LRRC3B: variants seen among roughly 807,000 people sequenced by gnomAD.
LRRC3B encodes the protein leucine-rich repeat-containing protein 3B.
LRRC3B carries 2 observed loss-of-function variants against 12.8 expected under a neutral mutation model. That is an observed-to-expected ratio of 0.16 (90% confidence interval 0.06 to 0.49). The LOEUF is 0.49. Ranked by LOEUF, LRRC3B falls within the 20% of genes least tolerant of loss-of-function variation. The pLI, the probability that LRRC3B is intolerant of heterozygous loss-of-function variation, is 0.96. For synonymous variants in LRRC3B, 132 were observed against 122.0 expected, an observed-to-expected ratio of 1.08 and a Z score of -0.54; for missense variants, 189 against 319.4, an observed-to-expected ratio of 0.59 and a Z score of 3.11.
chr3:26,691,651 A>G (rs1231879501), intron 1 of LRRC3B, among the ~76,000 whole-genome samples: 1 of 152,212 alleles, frequency 6.6e-6, no homozygotes, highest in Admixed American at 6.5e-5. Context: ...GAGAATTTGC[A>G]TGATGCCTCA....
intron 1 of LRRC3B, among the ~76,000 whole-genome samples, chr3:26,629,253 TTTCTTCCTTTCTTCCC>T (rs1157167650): frequency 7.0e-6 from 1 of 142,336 alleles, no homozygotes; most frequent in Non-Finnish European, 1.5e-5. Context: ...CCTTCCTTCC[TTTCTTCCTTTCTTCCC>T]TTCTTCCTTC....
chr3:26,702,668 G>A (rs569728832), intron 1 of LRRC3B, among the ~76,000 whole-genome samples: 72 of 152,232 alleles, frequency 4.7e-4, no homozygotes, highest in African/African-American at 1.6e-3. Flanking sequence ...GCAGGATGAT[G>A]TGGTTAAGAG....
intron 1 of LRRC3B, among the ~76,000 whole-genome samples, chr3:26,644,183 C>T (rs971434684): frequency 6.6e-6 from 1 of 152,178 alleles, no homozygotes; most frequent in South Asian, 2.1e-4. Context: ...TAAGTATGAA[C>T]ACAGGTAGAG....
chr3:26,671,373 T>TATATATATATAG (rs1261897533), intron 1 of LRRC3B, among the ~76,000 whole-genome samples: 3 of 28,248 alleles, frequency 1.1e-4, no homozygotes, highest in African/African-American at 4.4e-4. Context: ...TATATATATA[T>TATATATATATAG]AGAGAGAGAG....
intron 1 of LRRC3B, among the ~76,000 whole-genome samples, chr3:26,644,876 A>G (rs1699109133): frequency 6.6e-6 from 1 of 152,200 alleles, no homozygotes; most frequent in Non-Finnish European, 1.5e-5. Flanking sequence ...CAAAATACAC[A>G]TACATAAACA....
intron 1 of LRRC3B, among the ~76,000 whole-genome samples, chr3:26,708,302 A>G (rs946323986): frequency 6.6e-6 from 1 of 152,234 alleles, no homozygotes; most frequent in Non-Finnish European, 1.5e-5. Context: ...GGGGTCCTCA[A>G]CTTGGAACAG....
intron 1 of LRRC3B, among the ~76,000 whole-genome samples, chr3:26,680,249 C>T (rs1285799507): frequency 6.6e-6 from 1 of 152,156 alleles, no homozygotes; most frequent in Admixed American, 6.5e-5. Flanking sequence ...ACCCCCACTT[C>T]CCAGTAAAAA....
intron 1 of LRRC3B, among the ~76,000 whole-genome samples, chr3:26,677,769 A>AT (rs1010429074): frequency 1.2e-4 from 18 of 148,886 alleles, no homozygotes; most frequent in South Asian, 2.2e-4. Flanking sequence ...ATAAATAGCC[A>AT]TTTTTTTTCT....
At chr3:26,669,354 A>T (rs1699672998) in intron 1 of LRRC3B, among the ~76,000 whole-genome samples, 1 of 152,156 alleles carries the variant, frequency 6.6e-6, no homozygotes, top group Admixed American at 6.5e-5. Flanking sequence ...TTTCATTACG[A>T]TGGAGTGAAC....
chr3:26,671,206 G>A (rs202123247), intron 1 of LRRC3B, among the ~76,000 whole-genome samples: 3,306 of 143,528 alleles, frequency 0.023, 118 homozygotes, highest in East Asian at 0.14. Flanking sequence ...TAGTAGAGAC[G>A]GGGTTTCACC....
intron 1 of LRRC3B, among the ~76,000 whole-genome samples, chr3:26,695,980 T>C (rs1017413315): frequency 1.3e-5 from 2 of 152,244 alleles, no homozygotes; most frequent in Non-Finnish European, 2.9e-5. Flanking sequence ...TTTCTCATTT[T>C]AAAGGTATTC....
chr3:26,656,893 T>C (rs1479878130), intron 1 of LRRC3B, among the ~76,000 whole-genome samples: 1 of 152,194 alleles, frequency 6.6e-6, no homozygotes. Context: ...CATGGGACAA[T>C]AGACAAAGAC....
intron 1 of LRRC3B, among the ~76,000 whole-genome samples, chr3:26,685,543 A>C (rs1314375543): frequency 1.3e-3 from 183 of 136,228 alleles, no homozygotes; most frequent in South Asian, 7.9e-3. Flanking sequence ...ATATATATAT[A>C]TATATATATA....
chr3:26,675,825 A>T (rs1231439836), intron 1 of LRRC3B, among the ~76,000 whole-genome samples: 1 of 152,168 alleles, frequency 6.6e-6, no homozygotes, highest in African/African-American at 2.4e-5. Flanking sequence ...ACTAGCCCTT[A>T]TTCTAGAATG....
At chr3:26,642,607 C>T (rs547393551) in intron 1 of LRRC3B, among the ~76,000 whole-genome samples, 2 of 152,092 alleles carry the variant, frequency 1.3e-5, no homozygotes, top group East Asian at 1.9e-4. Context: ...TCAGCCACCC[C>T]GACCCCACAC....
chr3:26,652,556 G>A (rs1035999736), intron 1 of LRRC3B, among the ~76,000 whole-genome samples: 4 of 152,178 alleles, frequency 2.6e-5, no homozygotes, highest in Non-Finnish European at 5.9e-5. Flanking sequence ...AAAATGTGTA[G>A]GAATCCTTTA....
intron 1 of LRRC3B, among the ~76,000 whole-genome samples, chr3:26,704,166 T>C (rs982451709): frequency 6.6e-6 from 1 of 151,140 alleles, no homozygotes; most frequent in African/African-American, 2.4e-5. Flanking sequence ...TATTTGCATA[T>C]TTATCTTCTT....
intron 1 of LRRC3B, among the ~76,000 whole-genome samples, chr3:26,671,067 G>GT: frequency 7.6e-6 from 1 of 132,334 alleles, no homozygotes; most frequent in African/African-American, 2.9e-5. Flanking sequence ...CCAGGCTGGA[G>GT]TGCAGTGGCG....
At chr3:26,633,447 T>C (rs1698802407) in intron 1 of LRRC3B, among the ~76,000 whole-genome samples, 1 of 152,196 alleles carries the variant, frequency 6.6e-6, no homozygotes, top group Admixed American at 6.5e-5. Flanking sequence ...TTATTATTAG[T>C]ATAGAACAAA....
Sources: gnomAD v4.1 joint callset for allele counts (sites outside exome capture counted in the v4.1 genomes callset) on GRCh38, gnomAD v4.1.1 for gene constraint, MANE v1.5 for transcripts, NCBI Gene and HGNC (gene_info 2026-07-23, HGNC 2026-07-21) for gene names.